Variants in TEX36 observed in about 807,000 individuals in gnomAD.
The protein encoded by TEX36 is testis-expressed protein 36.
TEX36 carries 12 observed loss-of-function variants against 13.6 expected under a neutral mutation model. That is an observed-to-expected ratio of 0.88 (90% CI 0.56 to 1.43). The LOEUF (loss-of-function observed/expected upper bound fraction) is 1.43. TEX36 is among the 40% of genes most tolerant of loss of function. The pLI is 0.00. For synonymous variants in TEX36, 93 were observed against 83.0 expected, an observed-to-expected ratio of 1.12 and a Z score of -0.65; for missense variants, 224 against 228.3, an observed-to-expected ratio of 0.98 and a Z score of 0.12.
chr10:125,656,715 TCA>T (rs574428414), intron 3 of TEX36, among the ~76,000 whole-genome samples: 187 of 152,264 alleles, frequency 1.2e-3, no homozygotes, highest in African/African-American at 4.3e-3. Flanking sequence ...GTTATTGTCC[TCA>T]CAGTCTTCTG....
At chr10:125,591,068 G>T (rs1413786112) in intron 3 of TEX36, among the ~76,000 whole-genome samples, 1 of 152,174 alleles carries the variant, frequency 6.6e-6, no homozygotes, top group African/African-American at 2.4e-5. Flanking sequence ...GATGAGGGTG[G>T]ATCTGAGCTC....
rs1351183349 is a variant in TEX36, at chr10:125,683,027, C to T, written c.-38G>A. 9 of 1,550,626 alleles carry T rather than the reference C, an allele frequency of 5.8e-6. No individual in the cohort carries two copies. In the African/African-American group the frequency reaches 1.1e-4, roughly 19 times the overall value. ...GCTGAATGTGGCTGAGATTGGCTCC[C>T]TCACCTCTCCATAAGCTCTACATGT... On this transcript the variant is annotated 5_prime_UTR_variant, in exon 1 of 4. Transcript: ENST00000368821.
At chr10:125,602,997 C>T (rs1445532765) in intron 3 of TEX36, among the ~76,000 whole-genome samples, 2 of 152,182 alleles carry the variant, frequency 1.3e-5, no homozygotes, top group Admixed American at 6.5e-5. Flanking sequence ...AAGGTTCCAC[C>T]CAGCTGGACC....
intron 3 of TEX36, among the ~76,000 whole-genome samples, chr10:125,583,180 T>A (rs1845903592): frequency 6.6e-6 from 1 of 152,234 alleles, no homozygotes; most frequent in African/African-American, 2.4e-5. Flanking sequence ...CTTTCCCTGA[T>A]ACATATGTTG....
At chr10:125,640,806 G>T (rs1846678781) in intron 3 of TEX36, among the ~76,000 whole-genome samples, 1 of 152,102 alleles carries the variant, frequency 6.6e-6, no homozygotes, top group African/African-American at 2.4e-5. Context: ...AAGACTGTGG[G>T]TGGCAGCAAA....
intron 3 of TEX36, among the ~76,000 whole-genome samples, chr10:125,586,095 A>C (rs1429228627): frequency 1.3e-5 from 2 of 152,244 alleles, no homozygotes; most frequent in Admixed American, 6.5e-5. Flanking sequence ...ACAGTGAGAC[A>C]GAGGCCGTCT....
In TEX36 at chr10:125,630,409, CGTGTGGGCTGTTCATGTGGGCTA is replaced by C. The variant is rs1483540808; in HGVS notation, c.265-8787_265-8765del. On this transcript the variant is annotated intron_variant, in intron 3 of 3. Coordinates refer to the TEX36 transcript ENST00000526819. ...GTGGGAGCCTCGGTTTTTCTCAGTG[CGTGTGGGCTGTTCATGTGGGCTA>C]GTCTGGGCTTCTTTAGAGCACAGTG... Among the ~76,000 whole-genome samples, 6 of 152,196 alleles carry C rather than the reference CGTGTGGGCTGTTCATGTGGGCTA, an allele frequency of 3.9e-5. No homozygotes were observed. In the East Asian group the frequency reaches 7.7e-4, roughly 20 times the overall value.
At chr10:125,611,917 C>A (rs1369963620) in intron 3 of TEX36, among the ~76,000 whole-genome samples, 2 of 151,886 alleles carry the variant, frequency 1.3e-5, no homozygotes, top group Admixed American at 6.6e-5. Context: ...AAAATGCCTC[C>A]TGAATGCCAG....
intron 3 of TEX36, among the ~76,000 whole-genome samples, chr10:125,582,408 G>T (rs1341038437): frequency 6.6e-6 from 1 of 152,172 alleles, no homozygotes; most frequent in Non-Finnish European, 1.5e-5. Context: ...CAGGGCCAGG[G>T]TGCATCCCTA....
chr10:125,672,223 G>A (rs2133607923), intron 1 of TEX36, among the ~76,000 whole-genome samples: 1 of 152,170 alleles, frequency 6.6e-6, no homozygotes, highest in Non-Finnish European at 1.5e-5. Flanking sequence ...TGTGATGTTA[G>A]TGTGTCAATT....
At chr10:125,614,332 T>C (rs1431324331) in intron 3 of TEX36, among the ~76,000 whole-genome samples, 1 of 152,198 alleles carries the variant, frequency 6.6e-6, no homozygotes, top group Non-Finnish European at 1.5e-5. Flanking sequence ...TTGCTTTTGG[T>C]GTTTTAGACA....
chr10:125,623,545 C>T (rs1252595710), intron 3 of TEX36, among the ~76,000 whole-genome samples: 1 of 148,810 alleles, frequency 6.7e-6, no homozygotes, highest in African/African-American at 2.5e-5. Flanking sequence ...GAAACTGACT[C>T]GGAAATATCC....
At chr10:125,665,047 C>T (rs1328752195) in intron 1 of TEX36, among the ~76,000 whole-genome samples, 2 of 152,078 alleles carry the variant, frequency 1.3e-5, no homozygotes, top group Non-Finnish European at 2.9e-5. Context: ...GTCCTTTGCT[C>T]ACTTTTTAAT....
At chr10:125,611,016 T>G (rs1316060618) in intron 3 of TEX36, among the ~76,000 whole-genome samples, 1 of 152,236 alleles carries the variant, frequency 6.6e-6, no homozygotes, top group Non-Finnish European at 1.5e-5. Flanking sequence ...TTTTCAGTTG[T>G]GTAACCTGCC....
At chr10:125,644,713 C>T (rs1486264165) in intron 3 of TEX36, among the ~76,000 whole-genome samples, 2 of 152,168 alleles carry the variant, frequency 1.3e-5, no homozygotes, top group African/African-American at 2.4e-5. Flanking sequence ...GTGGCAGAAC[C>T]TGTGAATATG....
At chr10:125,634,169 A>C (rs1480012929) in intron 3 of TEX36, among the ~76,000 whole-genome samples, 1 of 152,140 alleles carries the variant, frequency 6.6e-6, no homozygotes, top group African/African-American at 2.4e-5. Flanking sequence ...TTTTTTAAAA[A>C]TCCTGTTGTC....
At chr10:125,642,232 G>C (rs1396411283) in intron 3 of TEX36, among the ~76,000 whole-genome samples, 1 of 152,188 alleles carries the variant, frequency 6.6e-6, no homozygotes, top group African/African-American at 2.4e-5. Context: ...CCTACATGTC[G>C]AAGGCAAAGA....
rs193291695 is a variant in TEX36, at chr10:125,632,952, G to A, written c.265-11307C>T. Among the ~76,000 whole-genome samples the A allele has an allele frequency of 4.0e-3, 614 of 152,122 alleles. 3 individuals are homozygous for A. The highest frequency in any genetic ancestry group is 5.7e-3 in the Non-Finnish European group (391 of 68,000). ...CAGCCTGGCCAATATATGAAACCCC[G>A]TCTCTACTGAAAATACAAAAATTAG... On this transcript the variant is annotated intron_variant, in intron 3 of 3. Transcript: ENST00000526819.
At chr10:125,652,878 C>A (rs531921154), downstream of TEX36, among the ~76,000 whole-genome samples, 71 of 152,282 alleles carry the variant, frequency 4.7e-4, no homozygotes, top group African/African-American at 1.3e-3. Context: ...CCAACAGACA[C>A]ATGAAAAAAT....
Sources: allele counts gnomAD v4.1 joint callset (sites outside exome capture counted in the v4.1 genomes callset), GRCh38; gene constraint gnomAD v4.1.1; transcripts MANE v1.5; gene names NCBI Gene and HGNC (gene_info 2026-07-23, HGNC 2026-07-21).